The following BLTP1 variants were observed in gnomAD, a reference collection of about 807,000 sequenced individuals.
The protein encoded by BLTP1 is bridge-like lipid transfer protein family member 1, also known as fragile site-associated protein.
chr4:122,261,989 T>C, the BLTP1 span: 1 of 985,428 alleles, frequency 1.0e-6, no homozygotes, highest in Non-Finnish European at 1.2e-6. Context: ...CATTTCTTGC[T>C]ATTAGCAAAA....
chr4:122,218,453 A>G, the BLTP1 span, among the ~76,000 whole-genome samples: 4 of 152,204 alleles, frequency 2.6e-5, no homozygotes, highest in African/African-American at 7.2e-5. Flanking sequence ...TAATCCCCCT[A>G]CCAATTAACT....
chr4:122,247,653 G>A, the BLTP1 span: 41 of 1,166,778 alleles, frequency 3.5e-5, no homozygotes, highest in African/African-American at 7.9e-5. Flanking sequence ...TTACTTGCTC[G>A]TTATAGAACA....
At chr4:122,182,149 G>C in the BLTP1 span, among the ~76,000 whole-genome samples, 65 of 152,196 alleles carry the variant, frequency 4.3e-4, no homozygotes, top group African/African-American at 1.5e-3. Context: ...CAATTACAGA[G>C]AGCATACAGA....
At chr4:122,175,053 T>TA in the BLTP1 span, 2 of 946,070 alleles carry the variant, frequency 2.1e-6, no homozygotes, top group Non-Finnish European at 1.3e-6. Flanking sequence ...TAGAAACTCT[T>TA]AATTTTATTC....
chr4:122,255,989 CAG>C, the BLTP1 span: 2 of 897,100 alleles, frequency 2.2e-6, no homozygotes, highest in Non-Finnish European at 2.7e-6. Flanking sequence ...TTTGATGAAA[CAG>C]GGACTAATTG....
chr4:122,204,564 C>T, the BLTP1 span: 1 of 984,876 alleles, frequency 1.0e-6, no homozygotes, highest in African/African-American at 1.7e-5. Context: ...TGTTTGCCTT[C>T]TCTGTAATAT....
the BLTP1 span, chr4:122,207,053 A>G: frequency 2.0e-6 from 3 of 1,499,132 alleles, no homozygotes; most frequent in Non-Finnish European, 2.7e-6. Context: ...TCTGTGTTTT[A>G]CTTTTCTGAG....
At chr4:122,237,634 T>A in the BLTP1 span, 1 of 767,422 alleles carries the variant, frequency 1.3e-6, no homozygotes, top group Non-Finnish European at 1.6e-6. Flanking sequence ...ATTCACTGTT[T>A]ATGGGCCTGG....
the BLTP1 span, chr4:122,255,872 GGAAA>G: frequency 6.0e-6 from 1 of 167,268 alleles, no homozygotes; most frequent in East Asian, 1.9e-4. Context: ...TGATGGGAAG[GGAAA>G]GAAAGAGGTA....
the BLTP1 span, among the ~76,000 whole-genome samples, chr4:122,166,885 A>G: frequency 2.0e-5 from 3 of 152,008 alleles, no homozygotes; most frequent in African/African-American, 7.2e-5. Flanking sequence ...ATTCATTTTT[A>G]TGTTTAGTCT....
At chr4:122,200,457 G>A in the BLTP1 span, 5 of 590,456 alleles carry the variant, frequency 8.5e-6, no homozygotes, top group Non-Finnish European at 1.1e-5. Context: ...GCGCATGCCT[G>A]TAATCCCAGC....
the BLTP1 span, chr4:122,288,981 T>C: frequency 8.2e-7 from 1 of 1,224,192 alleles, no homozygotes; most frequent in African/African-American, 1.6e-5. Flanking sequence ...TTTCAAATCA[T>C]ATAGAGATAA....
the BLTP1 span, chr4:122,170,877 T>A: frequency 1.7e-6 from 1 of 572,792 alleles, no homozygotes; most frequent in Admixed American, 4.1e-5. Context: ...GGAAGATTGT[T>A]ATTTATATTT....
At chr4:122,270,928 G>A in the BLTP1 span, 1 of 1,435,600 alleles carries the variant, frequency 7.0e-7, no homozygotes, top group East Asian at 2.5e-5. Context: ...ATTTTACCTT[G>A]GAGATGATTT....
chr4:122,176,075 G>A, the BLTP1 span, among the ~76,000 whole-genome samples: 1 of 152,214 alleles, frequency 6.6e-6, no homozygotes, highest in East Asian at 1.9e-4. Context: ...GCTGAGGCAG[G>A]TGGATCACCT....
the BLTP1 span, among the ~76,000 whole-genome samples, chr4:122,266,408 GTAAT>G: frequency 3.3e-4 from 50 of 152,006 alleles, no homozygotes; most frequent in African/African-American, 1.2e-3. Context: ...CTTTGTGAAT[GTAAT>G]ATATGTTTTT....
the BLTP1 span, chr4:122,325,816 GT>G: frequency 0.062 from 46,825 of 759,968 alleles, 12 homozygotes; most frequent in South Asian, 0.085. Flanking sequence ...TTTTTCATGA[GT>G]TTTTTTTTTT....
chr4:122,234,597 A>G, the BLTP1 span: 2 of 291,268 alleles, frequency 6.9e-6, no homozygotes, highest in Non-Finnish European at 5.1e-6. Context: ...TATATTTTTT[A>G]GAAAGGCAAA....
the BLTP1 span, among the ~76,000 whole-genome samples, chr4:122,323,915 AT>A: frequency 6.6e-6 from 1 of 151,984 alleles, no homozygotes; most frequent in South Asian, 2.1e-4. Context: ...CTGTATTAAA[AT>A]CTTTTAACTA....
Sources: gnomAD v4.1 joint callset for allele counts (sites outside exome capture counted in the v4.1 genomes callset) on GRCh38, gnomAD v4.1.1 for gene constraint, MANE v1.5 for transcripts, NCBI Gene and HGNC (gene_info 2026-07-23, HGNC 2026-07-21) for gene names.